Variants in HOXA3 observed in about 807,000 individuals in gnomAD.
HOXA3 encodes the protein homeobox A3.
HOXA3 carries 8 observed loss-of-function variants against 30.3 expected under a neutral mutation model. The observed-to-expected ratio is 0.26, with a 90% CI of 0.15 to 0.48. The LOEUF (loss-of-function observed/expected upper bound fraction) is 0.48. Ranked by LOEUF, HOXA3 falls within the 20% of genes least tolerant of loss-of-function variation. The pLI is 0.99. For synonymous variants in HOXA3, 323 were observed against 273.1 expected, an observed-to-expected ratio of 1.18 and a Z score of -1.80; for missense variants, 653 against 614.4, an observed-to-expected ratio of 1.06 and a Z score of -0.66.
intron 5 of HOXA3, among the ~76,000 whole-genome samples, chr7:27,109,286 G>A (rs1290066971): frequency 1.3e-5 from 2 of 152,174 alleles, no homozygotes; most frequent in Non-Finnish European, 2.9e-5. Context: ...GGGAGGCCTA[G>A]GCCCTTCATG....
chr7:27,143,324 G>T, intron 1 of HOXA3: 1 of 1,597,802 alleles, frequency 6.3e-7, no homozygotes. Context: ...GGGCTGAGGA[G>T]AGTGCGTGGA....
At position 27,152,528 on chromosome 7, in the gene HOXA3, C is replaced by T. The variant is rs1783012345; in HGVS notation, c.-734G>A. On this transcript the variant is annotated 5_prime_UTR_variant, in exon 1 of 6. Coordinates refer to ENST00000612286, the MANE Select transcript of HOXA3 (RefSeq NM_153631.3). ...CATCTCCGGACAAAGCACAGCCGAG[C>T]CCGGCTGGAAGGCAGAGCTCCGAAG... The T allele has an allele frequency of 1.7e-6, 2 of 1,178,646 alleles. No homozygotes were observed. Among genetic ancestry groups the T allele is most frequent in the African/African-American group, 1.6e-5 (1 of 61,852 alleles). The allele number at this position is 1,178,646 out of a possible 1,614,324, so 73.0% of individuals were successfully genotyped here. A position where few individuals can be genotyped will look rare whatever the true frequency, so the allele number is the denominator to read the frequency against.
At chr7:27,112,543 C>G (rs537891303) in intron 4 of HOXA3, among the ~76,000 whole-genome samples, 2 of 152,320 alleles carry the variant, frequency 1.3e-5, no homozygotes, top group African/African-American at 4.8e-5. Flanking sequence ...CATTGTTTCT[C>G]TTTTGGAAAT....
In HOXA3 at chr7:27,110,386, C is replaced by A; in HGVS notation, c.255G>T (p.Leu85=). ...LSAPPSQPPS[L]GEPPLHPPPP... is the part of the protein sequence containing the mutation. ...GCGGCGGGTGCAGGGGCGGCTCTCC[C>A]AGGCTTGGAGGCTGGCTAGGTGGGG... is the stretch of plus-strand genomic sequence containing the variant. Residue 85 remains leucine, a synonymous_variant, in exon 5 of 6, where the codon CTG becomes CTT. Coordinates refer to ENST00000612286, the MANE Select transcript of HOXA3 (RefSeq NM_153631.3). 6.6e-7 allele frequency: 1 copy of A among 1,523,786 alleles called. No individual in the cohort carries two copies. Among genetic ancestry groups the A allele is most frequent in the Non-Finnish European group, 8.8e-7 (1 of 1,139,516 alleles). 94.4% of individuals were successfully genotyped at this position (1,523,786 alleles called of 1,614,324 possible). A position where few individuals can be genotyped will look rare whatever the true frequency, so the allele number is the denominator to read the frequency against.
chr7:27,150,193 A>G (rs1159106385), intron 1 of HOXA3: 2 of 150,768 alleles, frequency 1.3e-5, no homozygotes. Flanking sequence ...AGAGAGGGCT[A>G]TTCCGGCAAG....
At chr7:27,121,146 AT>A (rs1431833936) in intron 4 of HOXA3, 1 of 151,708 alleles carries the variant, frequency 6.6e-6, no homozygotes, top group Non-Finnish European at 1.5e-5. Context: ...TACACTTAAC[AT>A]TTTTGTCCCA....
intron 4 of HOXA3, among the ~76,000 whole-genome samples, chr7:27,120,023 C>T (rs1437776123): frequency 6.6e-6 from 1 of 152,052 alleles, no homozygotes; most frequent in Non-Finnish European, 1.5e-5. Flanking sequence ...TTCCAAAAAG[C>T]GTTCTCCTGA....
rs1179915216 is a variant in HOXA3, at chr7:27,147,693, G to T, written c.-494+4595C>A. 1.9e-6 allele frequency: 3 copies of T among 1,613,344 alleles called. No individual in the cohort carries two copies. In the East Asian group the frequency reaches 6.7e-5, roughly 36 times the overall value. ...AGAGGGGCAGCTGGCCCAAGAAGGA[G>T]TCCTGGCCGCTGGGAAGGCTCCCGG... On this transcript the variant is annotated intron_variant, in intron 1 of 5. Transcript: ENST00000612286.
chr7:27,143,128 C>A, intron 1 of HOXA3: 1 of 1,606,854 alleles, frequency 6.2e-7, no homozygotes, highest in Non-Finnish European at 8.5e-7. Context: ...TCTGCGCACT[C>A]GCCTGCTCGC....
intron 2 of HOXA3, among the ~76,000 whole-genome samples, chr7:27,139,495 C>G (rs1782446362): frequency 6.6e-6 from 1 of 152,250 alleles, no homozygotes; most frequent in African/African-American, 2.4e-5. Context: ...AAACCCGGCC[C>G]CGAAGGCCGC....
intron 2 of HOXA3, chr7:27,129,515 G>A: frequency 6.2e-7 from 1 of 1,614,168 alleles, no homozygotes; most frequent in South Asian, 1.1e-5. Flanking sequence ...AAGACCTGCT[G>A]CCGGGTGTAG....
In HOXA3 at chr7:27,110,693, G is replaced by C; in HGVS notation, c.-53C>G. ...ACTCTGACAGGGGTTTGACACCCGT[G>C]AGGGCGCACATTGGCACGCCCCCGC... is the stretch of plus-strand genomic sequence containing the variant. On this transcript the variant is annotated 5_prime_UTR_variant, in exon 5 of 6. Transcript: ENST00000612286. 1 of 1,585,278 alleles carries C rather than the reference G, an allele frequency of 6.3e-7. No homozygotes were observed.
chr7:27,145,409 T>C lies in HOXA3; in HGVS notation c.-493-5223A>G. ...GTGGAGCGGGACTGGGTGTGTGCAG[T>C]GCGCCCCGCTCCACCGCTGGTATTG... On this transcript the variant is annotated intron_variant, in intron 1 of 5. Coordinates refer to ENST00000612286, the MANE Select transcript of HOXA3 (RefSeq NM_153631.3). 5.1e-6 allele frequency: 3 copies of C among 584,866 alleles called. No homozygotes were observed. In the East Asian group the frequency reaches 9.0e-5, roughly 17 times the overall value. 36.2% of individuals were successfully genotyped at this position (584,866 alleles called of 1,614,324 possible). A position where few individuals can be genotyped will look rare whatever the true frequency, so the allele number is the denominator to read the frequency against.
intron 2 of HOXA3, among the ~76,000 whole-genome samples, chr7:27,137,052 G>C (rs1432674279): frequency 2.6e-5 from 4 of 152,200 alleles, no homozygotes; most frequent in Admixed American, 2.6e-4. Flanking sequence ...CCAAGGCAGG[G>C]GGGAGGCTGA....
rs1785313648 is a variant in HOXA3 at position 27,127,039 on chromosome 7, A to G, written c.-358T>C. ...GCAAGAAGATCCCTCTCTCCTCCAC[A>G]GACTTTTCCCAGAGAATGCCTTTCA... On this transcript the variant is annotated 5_prime_UTR_variant, in exon 3 of 6. Coordinates refer to ENST00000612286, the MANE Select transcript of HOXA3 (RefSeq NM_153631.3). 1 of 152,070 alleles carries G rather than the reference A, an allele frequency of 6.6e-6. No individual in the cohort carries two copies. Among genetic ancestry groups the G allele is most frequent in the African/African-American group, 2.4e-5 (1 of 41,396 alleles). 9.4% of individuals were successfully genotyped at this position (152,070 alleles called of 1,614,324 possible).
chr7:27,145,493 T>C, intron 1 of HOXA3: 1 of 757,860 alleles, frequency 1.3e-6, no homozygotes, highest in Non-Finnish European at 2.1e-6. Flanking sequence ...TTTTGTTTTG[T>C]TTTGTAAGAA....
intron 3 of HOXA3, chr7:27,124,406 AC>A (rs1785185170): frequency 6.6e-6 from 1 of 152,212 alleles, no homozygotes; most frequent in Non-Finnish European, 1.5e-5. Context: ...CCAGGATGTG[AC>A]CGCAGAAAAC....
In HOXA3 at chr7:27,130,142, T is replaced by C. The variant is rs768583845; in HGVS notation, c.-389-3072A>G. On this transcript the variant is annotated intron_variant, in intron 2 of 5. Transcript: ENST00000612286. ...CCGGCGCTGACATGGATCTTCTTCATCCAGGGGTACACCACGGGCTCCTTG... is the reference window on the plus strand; with the variant it reads ...CCGGCGCTGACATGGATCTTCTTCACCCAGGGGTACACCACGGGCTCCTTG... The C allele has an allele frequency of 5.6e-6, 9 of 1,603,658 alleles. No individual in the cohort carries two copies. In the Admixed American group the frequency reaches 1.3e-4, roughly 24 times the overall value.
chr7:27,107,835 A>G lies in HOXA3; in HGVS notation c.*80T>C. 1 of 354,064 alleles carries G rather than the reference A, an allele frequency of 2.8e-6. No homozygotes were observed. Among genetic ancestry groups the G allele is most frequent in the South Asian group, 7.8e-5 (1 of 12,774 alleles). The allele number at this position is 354,064 out of a possible 1,614,324, so 21.9% of individuals were successfully genotyped here. A position where few individuals can be genotyped will look rare whatever the true frequency, so the allele number is the denominator to read the frequency against. On this transcript the variant is annotated 3_prime_UTR_variant, in exon 6 of 6. Transcript: ENST00000612286. Reference sequence around the variant, plus strand: ...GAAGGAAAGGGCAGGAAGAACCTAAAAAAAAAAAAAAAAAAAAGCAACCAA... The same window carrying G: ...GAAGGAAAGGGCAGGAAGAACCTAAGAAAAAAAAAAAAAAAAAGCAACCAA...
Sources: allele counts gnomAD v4.1 joint callset (sites outside exome capture counted in the v4.1 genomes callset), GRCh38; gene constraint gnomAD v4.1.1; transcripts MANE v1.5; gene names NCBI Gene and HGNC (gene_info 2026-07-23, HGNC 2026-07-21).